Variants in ECHDC2 observed in about 807,000 individuals in gnomAD.
ECHDC2 encodes enoyl-CoA hydratase domain-containing protein 2, mitochondrial.
ECHDC2 carries 34 observed loss-of-function variants against 40.6 expected under a neutral mutation model. That is an observed-to-expected ratio of 0.84 (90% CI 0.64 to 1.11). The LOEUF (loss-of-function observed/expected upper bound fraction) is 1.11, where lower values mean the gene tolerates loss of function less well. ECHDC2 is among the 50% of genes most tolerant of loss of function. The probability of loss-of-function intolerance (pLI) is 0.00; values close to 1 mark genes in which losing one functional copy is unlikely to be tolerated. For missense variants in ECHDC2, 392 were observed against 400.7 expected, an observed-to-expected ratio of 0.98 and a Z score of 0.19; for synonymous variants, 162 against 166.6, an observed-to-expected ratio of 0.97 and a Z score of 0.21.
intron 3 of ECHDC2, among the ~76,000 whole-genome samples, chr1:52,908,929 C>CAAAAAA (rs34090739): frequency 1.4e-4 from 6 of 43,860 alleles, no homozygotes; most frequent in African/African-American, 3.1e-4. Context: ...GACAGAGTCT[C>CAAAAAA]AAAAAAAAAA....
Position 52,907,890 on chromosome 1 carries a change from G to A in ECHDC2, c.342C>T (p.Leu114=), listed in dbSNP as rs772335252. The change falls in exon 4 of 10, where the codon CTC becomes CTT. Residue 114 remains leucine, a synonymous_variant. Coordinates refer to ENST00000371522, the MANE Select transcript of ECHDC2 (RefSeq NM_001198961.2). ...EAEVGVFVQR[L]RGLMNDIAAF... is the part of the protein sequence containing the mutation. ...CACCGATGTCATTCATCAGGCCCCG[G>A]AGTCGCTGGACAAACACCCCCACCT... 2.3e-5 allele frequency: 37 copies of A among 1,613,930 alleles called. No individual in the cohort carries two copies. The highest frequency in any genetic ancestry group is 3.1e-5 in the Non-Finnish European group (37 of 1,179,966).
At chr1:52,903,459 T>C (rs1255052414) in intron 7 of ECHDC2, among the ~76,000 whole-genome samples, 1 of 152,088 alleles carries the variant, frequency 6.6e-6, no homozygotes, top group Non-Finnish European at 1.5e-5. Context: ...TTTTGTTTGT[T>C]TGTTTTTAGC....
chr1:52,917,058 A>C (rs1048405757), intron 1 of ECHDC2, among the ~76,000 whole-genome samples: 2 of 152,118 alleles, frequency 1.3e-5, no homozygotes, highest in African/African-American at 4.8e-5. Flanking sequence ...CCCCGTCTTT[A>C]CTAAAAAGAC....
intron 1 of ECHDC2, 164 bp downstream of exon 1, chr1:52,921,389 G>T (rs1270495381): frequency 7.2e-7 from 1 of 1,397,154 alleles, no homozygotes; most frequent in Admixed American, 3.2e-5. Context: ...CACTAAGGCG[G>T]CCGCCCACCT....
At chr1:52,902,052 C>A (rs1647025362) in intron 7 of ECHDC2, 1 of 151,380 alleles carries the variant, frequency 6.6e-6, no homozygotes, top group Admixed American at 6.6e-5. Context: ...CAAATGCTTT[C>A]AAAAAGCTAT....
At chr1:52,910,352 GTTTTTTTTTTTTTTTTTTT>G (rs869088329) in intron 3 of ECHDC2, among the ~76,000 whole-genome samples, 8 of 32,102 alleles carry the variant, frequency 2.5e-4, no homozygotes, top group Non-Finnish European at 3.4e-4. Flanking sequence ...CCACAATTTC[GTTTTTTTTTTTTTTTTTTT>G]TTTTTTTTTT....
chr1:52,920,360 C>T (rs192858972), intron 1 of ECHDC2: 64 of 675,348 alleles, frequency 9.5e-5, no homozygotes, highest in Admixed American at 8.8e-4. Flanking sequence ...GTTGTCAAGC[C>T]GGTAAAAAGG....
intron 3 of ECHDC2, among the ~76,000 whole-genome samples, chr1:52,910,347 ATTTCGTTTTTTTTTTTTTTTTT>A (rs1353156669): frequency 1.1e-5 from 1 of 88,010 alleles, no homozygotes; most frequent in African/African-American, 4.1e-5. Flanking sequence ...TTTCACCACA[ATTTCGTTTTTTTTTTTTTTTTT>A]TTTTTTTTTT....
At chr1:52,915,257 C>A in intron 1 of ECHDC2, 1 of 456,012 alleles carries the variant, frequency 2.2e-6, no homozygotes, top group South Asian at 1.5e-5. Flanking sequence ...CCTTCAAAGA[C>A]CCCTTATTAT....
At chr1:52,920,394 C>T (rs1651608467) in intron 1 of ECHDC2, 5 of 741,562 alleles carry the variant, frequency 6.7e-6, no homozygotes, top group Admixed American at 2.0e-5. Flanking sequence ...GGGGAAGGGG[C>T]GGCAGGCGCC....
chr1:52,915,331 T>A (rs545947108), intron 1 of ECHDC2: 2 of 456,020 alleles, frequency 4.4e-6, no homozygotes, highest in Non-Finnish European at 8.8e-6. Context: ...GCATTCTCAG[T>A]TTAAGCTGAT....
intron 1 of ECHDC2, chr1:52,915,038 A>G (rs761876442): frequency 5.5e-5 from 19 of 346,098 alleles, no homozygotes; most frequent in African/African-American, 1.3e-4. Context: ...GGCCCCCCCA[A>G]TCTGACTCTT....
At chr1:52,897,023 C>T (rs1646681094) in intron 9 of ECHDC2, 1 of 287,402 alleles carries the variant, frequency 3.5e-6, no homozygotes, top group South Asian at 7.3e-5. Context: ...ATTTTTTACT[C>T]ACCCATGAGT....
intron 3 of ECHDC2, among the ~76,000 whole-genome samples, chr1:52,911,011 AG>A (rs1369856620): frequency 6.6e-6 from 1 of 152,158 alleles, no homozygotes; most frequent in Non-Finnish European, 1.5e-5. Flanking sequence ...CGAGAGGGGC[AG>A]GAACTAGCCC....
intron 1 of ECHDC2, among the ~76,000 whole-genome samples, chr1:52,917,776 A>G (rs1572003194): frequency 6.6e-6 from 1 of 152,214 alleles, no homozygotes; most frequent in East Asian, 1.9e-4. Context: ...TCATAACATC[A>G]TAGCGCAATG....
intron 8 of ECHDC2, 62 bp from the exon 9 acceptor site, chr1:52,897,546 G>T: frequency 6.5e-7 from 1 of 1,542,588 alleles, no homozygotes; most frequent in Non-Finnish European, 9.0e-7. Flanking sequence ...CACACTGGAA[G>T]CCAGCCCACC....
Position 52,921,449 on chromosome 1 carries a change from G to C in ECHDC2, c.121+104C>G, listed in dbSNP as rs1651871484. On this transcript the variant is annotated intron_variant, in intron 1 of 9. Transcript: ENST00000371522. ...GCCTAGAACTGGGAGGGAGGGACTG[G>C]GGATCGAATCCTTCAACGCACTGAG... is the stretch of plus-strand genomic sequence containing the variant. 1.2e-5 allele frequency: 17 copies of C among 1,455,144 alleles called. No individual in the cohort carries two copies. In the East Asian group the frequency reaches 4.4e-4, roughly 38 times the overall value. The allele number at this position is 1,455,144 out of a possible 1,614,324, so 90.1% of individuals were successfully genotyped here. A position where few individuals can be genotyped will look rare whatever the true frequency, so the allele number is the denominator to read the frequency against.
At chr1:52,911,687 C>G in intron 2 of ECHDC2, 34 bp from the exon 3 acceptor site, 1 of 1,614,180 alleles carries the variant, frequency 6.2e-7, no homozygotes, top group South Asian at 1.1e-5. Flanking sequence ...AGTGCCAGCC[C>G]ATCCCCAGCC....
chr1:52,917,657 G>A (rs1172588931), intron 1 of ECHDC2: 1 of 455,988 alleles, frequency 2.2e-6, no homozygotes, highest in South Asian at 1.5e-5. Flanking sequence ...GTCATGCACA[G>A]CATGATGATG....
Sources: gnomAD v4.1 joint callset for allele counts (sites outside exome capture counted in the v4.1 genomes callset) on GRCh38, gnomAD v4.1.1 for gene constraint, MANE v1.5 for transcripts, NCBI Gene and HGNC (gene_info 2026-07-23, HGNC 2026-07-21) for gene names.